Variants in SNTG1 observed in about 807,000 individuals in gnomAD.
SNTG1 encodes the protein gamma-1-syntrophin.
In SNTG1, 39 loss-of-function variants were observed where a neutral mutation model predicts 74.7. The ratio of observed to expected loss-of-function variants is 0.52; its 90% CI spans 0.40 to 0.68. SNTG1 has a LOEUF of 0.68. Among genes scored for constraint, SNTG1 ranks in the 30% least tolerant of loss-of-function variants. The pLI, the probability that SNTG1 is intolerant of heterozygous loss-of-function variation, is 0.00. For missense variants in SNTG1, 685 were observed against 609.5 expected (o/e 1.12, Z -1.30); for synonymous variants, 254 against 217.1 (o/e 1.17, Z -1.49).
chr8:49,995,276 G>A (rs1244572829), intron 1 of SNTG1, among the ~76,000 whole-genome samples: 1 of 152,174 alleles, frequency 6.6e-6, no homozygotes, highest in Non-Finnish European at 1.5e-5. Context: ...ATGAATATTT[G>A]TGGGAGTTTA....
chr8:50,505,004 C>T (rs1391870111), intron 9 of SNTG1, among the ~76,000 whole-genome samples: 1 of 152,076 alleles, frequency 6.6e-6, no homozygotes, highest in African/African-American at 2.4e-5. Flanking sequence ...TTTCCCCAGA[C>T]CCACCCACTG....
intron 2 of SNTG1, among the ~76,000 whole-genome samples, chr8:50,318,490 C>T (rs1276902973): frequency 6.6e-6 from 1 of 152,052 alleles, no homozygotes; most frequent in Non-Finnish European, 1.5e-5. Flanking sequence ...GATTCATTGC[C>T]CTCCATCACT....
intron 1 of SNTG1, among the ~76,000 whole-genome samples, chr8:50,130,543 C>T (rs900236819): frequency 1.3e-5 from 2 of 152,036 alleles, no homozygotes; most frequent in Non-Finnish European, 2.9e-5. Flanking sequence ...CAAAATATAA[C>T]ACTTTCACAA....
chr8:50,292,542 A>G (rs1178050646), intron 2 of SNTG1, among the ~76,000 whole-genome samples: 1 of 152,170 alleles, frequency 6.6e-6, no homozygotes, highest in Non-Finnish European at 1.5e-5. Context: ...CAGAATACTT[A>G]TAGAAATACC....
At chr8:50,653,511 A>AT (rs779878289) in intron 13 of SNTG1, among the ~76,000 whole-genome samples, 66 of 152,328 alleles carry the variant, frequency 4.3e-4, no homozygotes, top group Non-Finnish European at 8.5e-4. Context: ...TTTTGATTAC[A>AT]TTCTACCACC....
At chr8:50,236,450 A>AT (rs56003219) in intron 2 of SNTG1, among the ~76,000 whole-genome samples, 7,340 of 138,588 alleles carry the variant, frequency 0.053, 341 homozygotes, top group African/African-American at 0.092. Context: ...TTAATTGTAA[A>AT]TTTTTTTTTT....
At chr8:50,768,828 G>GAAAT (rs2095620060) in intron 18 of SNTG1, among the ~76,000 whole-genome samples, 2 of 152,024 alleles carry the variant, frequency 1.3e-5, no homozygotes, top group African/African-American at 4.8e-5. Context: ...TAAGTAGATA[G>GAAAT]AAATAAGTTA....
intron 1 of SNTG1, among the ~76,000 whole-genome samples, chr8:50,111,543 C>T (rs903119554): frequency 6.6e-6 from 1 of 152,162 alleles, no homozygotes; most frequent in South Asian, 2.1e-4. Flanking sequence ...CGAGGTTAGG[C>T]TTCCAGCCTC....
At chr8:50,324,003 C>T (rs1299044581) in intron 2 of SNTG1, among the ~76,000 whole-genome samples, 1 of 152,182 alleles carries the variant, frequency 6.6e-6, no homozygotes, top group East Asian at 1.9e-4. Context: ...TCACCCTAAC[C>T]CACCTGCTCT....
intron 1 of SNTG1, among the ~76,000 whole-genome samples, chr8:49,994,320 A>G (rs966410890): frequency 4.1e-5 from 6 of 147,122 alleles, no homozygotes; most frequent in South Asian, 2.1e-4. Flanking sequence ...CAATGGCCCA[A>G]TCTCGGCTCA....
At chr8:50,071,238 A>G (rs1456356174) in intron 1 of SNTG1, among the ~76,000 whole-genome samples, 2 of 152,114 alleles carry the variant, frequency 1.3e-5, no homozygotes, top group Non-Finnish European at 2.9e-5. Flanking sequence ...TTGCTCTGTC[A>G]CCCAGGTCGG....
chr8:50,296,882 C>CT (rs2130622991), intron 2 of SNTG1, among the ~76,000 whole-genome samples: 1 of 152,266 alleles, frequency 6.6e-6, no homozygotes, highest in South Asian at 2.1e-4. Context: ...AGTTATCCTG[C>CT]TTATTAAGTA....
At chr8:50,508,993 C>G (rs1250796591) in intron 9 of SNTG1, among the ~76,000 whole-genome samples, 2 of 152,096 alleles carry the variant, frequency 1.3e-5, no homozygotes, top group Admixed American at 6.6e-5. Flanking sequence ...GAAGTCCTTG[C>G]CCATGCCTAT....
intron 15 of SNTG1, among the ~76,000 whole-genome samples, chr8:50,687,569 C>T (rs1331222518): frequency 4.0e-5 from 6 of 151,876 alleles, no homozygotes; most frequent in Admixed American, 1.3e-4. Context: ...TAAAGGGATA[C>T]GTTCTTTTTT....
intron 1 of SNTG1, among the ~76,000 whole-genome samples, chr8:49,997,154 A>T (rs1814302128): frequency 6.6e-6 from 1 of 152,264 alleles, no homozygotes; most frequent in African/African-American, 2.4e-5. Flanking sequence ...TGTCTAAATG[A>T]ACACTGAGGA....
At chr8:50,177,539 C>G (rs957743271) in intron 2 of SNTG1, among the ~76,000 whole-genome samples, 4 of 152,186 alleles carry the variant, frequency 2.6e-5, no homozygotes, top group African/African-American at 9.7e-5. Context: ...GTGGGACACA[C>G]AGAGACCCTG....
At chr8:50,103,524 C>T (rs1423706649) in intron 1 of SNTG1, among the ~76,000 whole-genome samples, 1 of 152,148 alleles carries the variant, frequency 6.6e-6, no homozygotes, top group Non-Finnish European at 1.5e-5. Flanking sequence ...AATTTGACTT[C>T]CTCTTTTCGT....
chr8:50,789,994 T>G (rs530253113), intron 18 of SNTG1, among the ~76,000 whole-genome samples: 5 of 152,108 alleles, frequency 3.3e-5, no homozygotes, highest in African/African-American at 1.2e-4. Flanking sequence ...CCTTTAAAAT[T>G]ATAATTCTTG....
At chr8:50,517,012 A>C (rs1035820298) in intron 9 of SNTG1, among the ~76,000 whole-genome samples, 39 of 152,214 alleles carry the variant, frequency 2.6e-4, no homozygotes, top group African/African-American at 9.2e-4. Flanking sequence ...ACACGGTTGA[A>C]ATGAAGGAAA....
Sources: gnomAD v4.1 joint callset for allele counts (sites outside exome capture counted in the v4.1 genomes callset) on GRCh38, gnomAD v4.1.1 for gene constraint, MANE v1.5 for transcripts, NCBI Gene and HGNC (gene_info 2026-07-23, HGNC 2026-07-21) for gene names.